Variants in EMB observed in about 807,000 individuals in gnomAD.
EMB encodes embigin.
A neutral mutation model predicts 41.4 loss-of-function variants in EMB; 31 were observed. That is an observed-to-expected ratio of 0.75 (90% confidence interval 0.56 to 1.01). The LOEUF (loss-of-function observed/expected upper bound fraction) is 1.01. Ranked by LOEUF, EMB falls within the 50% of genes least tolerant of loss-of-function variation. The pLI is 0.00. For missense variants in EMB, 379 were observed against 388.3 expected (o/e 0.98, Z 0.20); for synonymous variants, 137 against 140.4 (o/e 0.98, Z 0.17).
At chr5:50,430,687 T>A (rs1010918555) in intron 1 of EMB, among the ~76,000 whole-genome samples, 49 of 152,152 alleles carry the variant, frequency 3.2e-4, no homozygotes, top group African/African-American at 1.1e-3. Context: ...GTATATATAG[T>A]TACAGTTATA....
intron 2 of EMB, chr5:50,411,617 TGATA>T (rs1745339654): frequency 3.0e-6 from 1 of 338,954 alleles, no homozygotes; most frequent in Non-Finnish European, 5.4e-6. Flanking sequence ...CCTAAAGCTG[TGATA>T]GTTATCTCCT....
rs1159087716 is a variant in EMB, at chr5:50,418,715, T to G, written c.197-7332A>C. Reference sequence around the variant, plus strand: ...CAAGAGTCCAGTGCCTGCAGAAATATCTTAAGCAGACTCTTCCAGTAATCC... The same window carrying G: ...CAAGAGTCCAGTGCCTGCAGAAATAGCTTAAGCAGACTCTTCCAGTAATCC... On this transcript the variant is annotated intron_variant, in intron 2 of 8. Transcript: ENST00000303221. Among the ~76,000 whole-genome samples the G allele has an allele frequency of 4.6e-5, 7 of 152,200 alleles. No individual in the cohort carries two copies. The East Asian group carries it at 1.3e-3, about 29-fold the overall frequency.
At chr5:50,399,462 C>A (rs1745123170) in intron 8 of EMB, among the ~76,000 whole-genome samples, 172 bp from the exon 9 acceptor site, 1 of 151,698 alleles carries the variant, frequency 6.6e-6, no homozygotes, top group Admixed American at 6.6e-5. Flanking sequence ...ATCTAATCAG[C>A]AAAGAAAGTT....
chr5:50,424,138 G>A (rs548073309), intron 2 of EMB, among the ~76,000 whole-genome samples: 44 of 151,870 alleles, frequency 2.9e-4, no homozygotes, highest in Non-Finnish European at 5.4e-4. Context: ...ATCAGTTAAC[G>A]GGTTTCATGC....
intron 5 of EMB, among the ~76,000 whole-genome samples, chr5:50,404,300 A>C (rs1745214376): frequency 6.6e-6 from 1 of 151,992 alleles, no homozygotes; most frequent in African/African-American, 2.4e-5. Flanking sequence ...AAATTACAGC[A>C]ACCTGGCACC....
At chr5:50,441,842 C>T (rs111600349), upstream of EMB, among the ~76,000 whole-genome samples, 1,492 of 152,214 alleles carry the variant, frequency 9.8e-3, 17 homozygotes, top group Non-Finnish European at 0.012. Flanking sequence ...TTTGTTAAGC[C>T]TAACAGCTTC....
upstream of EMB, chr5:50,442,832 A>G (rs1202961411): frequency 1.3e-5 from 2 of 152,138 alleles, no homozygotes; most frequent in African/African-American, 4.8e-5. Context: ...ACCTCAAACT[A>G]AACTCTGACT....
rs1561139315 is a variant in EMB, at chr5:50,428,418, A to G, written c.113-191T>C. 2.5e-6 allele frequency: 3 copies of G among 1,213,298 alleles called. No homozygotes were observed. The African/African-American group carries it at 4.7e-5, about 19-fold the overall frequency. 75.2% of individuals were successfully genotyped at this position (1,213,298 alleles called of 1,614,324 possible). On this transcript the variant is annotated intron_variant, in intron 1 of 8. Transcript: ENST00000303221. ...GCTATTAAATGTGAAAAAAATTCTG[A>G]TTTTTTTTCTTTTTTAACCTAAAAA... is the stretch of plus-strand genomic sequence containing the variant.
chr5:50,426,026 C>A (rs1745606105), intron 2 of EMB, among the ~76,000 whole-genome samples: 1 of 152,096 alleles, frequency 6.6e-6, no homozygotes, highest in Non-Finnish European at 1.5e-5. Context: ...AGCAATAAAC[C>A]TAGAAAATAG....
intron 7 of EMB, 37 bp downstream of exon 7, chr5:50,402,249 C>T: frequency 6.3e-7 from 1 of 1,593,494 alleles, no homozygotes; most frequent in East Asian, 2.2e-5. Flanking sequence ...CTGTATTTTA[C>T]CCAAGTGAAA....
chr5:50,428,123 T>C, intron 2 of EMB, 21 bp downstream of exon 2: 1 of 1,545,654 alleles, frequency 6.5e-7, no homozygotes, highest in African/African-American at 1.4e-5. Context: ...AATTGCATTA[T>C]TTGAAACATG....
chr5:50,422,928 A>C (rs977486628), intron 2 of EMB, among the ~76,000 whole-genome samples: 5 of 152,166 alleles, frequency 3.3e-5, no homozygotes, highest in African/African-American at 1.2e-4. Context: ...CTAACTGAGC[A>C]ACTCTACTTT....
At chr5:50,441,808 G>C (rs1745920504), upstream of EMB, among the ~76,000 whole-genome samples, 1 of 152,222 alleles carries the variant, frequency 6.6e-6, no homozygotes, top group South Asian at 2.1e-4. Context: ...GCCCCATACC[G>C]TGTCTGATTT....
chr5:50,421,479 C>A (rs1275844669), intron 2 of EMB, among the ~76,000 whole-genome samples: 1 of 152,050 alleles, frequency 6.6e-6, no homozygotes, highest in African/African-American at 2.4e-5. Flanking sequence ...TTGTGGAAGT[C>A]AGTGTGGCGA....
At chr5:50,412,879 C>T (rs1253860539) in intron 2 of EMB, among the ~76,000 whole-genome samples, 1 of 144,560 alleles carries the variant, frequency 6.9e-6, no homozygotes, top group Non-Finnish European at 1.5e-5. Context: ...CAGGTAAGTA[C>T]AAGCTTTTTT....
chr5:50,418,140 TTAAA>T (rs1310198987), intron 2 of EMB, among the ~76,000 whole-genome samples: 2 of 152,248 alleles, frequency 1.3e-5, no homozygotes, highest in African/African-American at 4.8e-5. Context: ...AATCCAATAA[TTAAA>T]TATATTTTTC....
At chr5:50,403,649 A>C (rs1246190492) in intron 5 of EMB, among the ~76,000 whole-genome samples, 195 bp from the exon 6 acceptor site, 1 of 151,962 alleles carries the variant, frequency 6.6e-6, no homozygotes, top group Non-Finnish European at 1.5e-5. Context: ...CAAACAAAGA[A>C]AAAATATATA....
At chr5:50,402,164 G>A (rs1188536235) in intron 7 of EMB, 122 bp downstream of exon 7, 5 of 1,003,006 alleles carry the variant, frequency 5.0e-6, no homozygotes, top group East Asian at 5.3e-5. Flanking sequence ...CCACCACCAC[G>A]TGGACATATA....
intron 1 of EMB, among the ~76,000 whole-genome samples, chr5:50,429,374 CT>C (rs1462376716): frequency 2.0e-5 from 3 of 152,158 alleles, no homozygotes; most frequent in Non-Finnish European, 4.4e-5. Context: ...TTTTATTACA[CT>C]TTTTAAAAAT....
Sources: gnomAD v4.1 joint callset for allele counts (sites outside exome capture counted in the v4.1 genomes callset) on GRCh38, gnomAD v4.1.1 for gene constraint, MANE v1.5 for transcripts, NCBI Gene and HGNC (gene_info 2026-07-23, HGNC 2026-07-21) for gene names.